The following ZNF804A variants were observed in gnomAD, a reference collection of about 807,000 sequenced individuals.
ZNF804A encodes zinc finger protein 804A.
A neutral mutation model predicts 16.5 loss-of-function variants in ZNF804A; 2 were observed. The observed-to-expected ratio is 0.12, with a 90% CI of 0.05 to 0.38. ZNF804A has a LOEUF of 0.38. Among genes scored for constraint, ZNF804A ranks in the 10% least tolerant of loss-of-function variants. The probability of loss-of-function intolerance (pLI) is 0.99; values close to 1 mark genes in which losing one functional copy is unlikely to be tolerated. For synonymous variants in ZNF804A, 534 were observed against 489.6 expected (o/e 1.09, Z -1.20); for missense variants, 1,473 against 1,390.7 (o/e 1.06, Z -0.94).
Position 184,808,783 on chromosome 2 carries a change from AAAC to A in ZNF804A, c.112-57582_112-57580del, listed in dbSNP as rs150763924. On this transcript the variant is annotated intron_variant, in intron 1 of 3. Coordinates refer to ENST00000302277, the MANE Select transcript of ZNF804A (RefSeq NM_194250.2). ...ATAAAATGCTTTACAAATCACAACAAAACAACGACTTTTAATGTTTAAAAATTA... is the reference window on the plus strand; with the variant it reads ...ATAAAATGCTTTACAAATCACAACAAAACGACTTTTAATGTTTAAAAATTA... 5.2e-3 allele frequency among the ~76,000 whole-genome samples: 788 copies of A among 151,814 alleles called. 7 individuals carry two copies. Among genetic ancestry groups the A allele is most frequent in the African/African-American group, 0.018 (738 of 41,518 alleles).
At chr2:184,900,688 G>T (rs1200938647) in intron 2 of ZNF804A, among the ~76,000 whole-genome samples, 1 of 152,168 alleles carries the variant, frequency 6.6e-6, no homozygotes, top group Non-Finnish European at 1.5e-5. Context: ...CAGTTAGCCA[G>T]AGAAGACTGG....
chr2:184,772,934 T>C (rs6706600), intron 1 of ZNF804A, among the ~76,000 whole-genome samples: 12 of 148,168 alleles, frequency 8.1e-5, no homozygotes, highest in South Asian at 6.4e-4. Context: ...CCCACACACA[T>C]ATATATACAT....
intron 1 of ZNF804A, among the ~76,000 whole-genome samples, chr2:184,764,410 C>T (rs1218008218): frequency 1.3e-5 from 2 of 152,112 alleles, no homozygotes; most frequent in African/African-American, 4.8e-5. Flanking sequence ...TCCTCATTTT[C>T]CTCTTATAAA....
chr2:184,892,808 A>T (rs1368522349), intron 2 of ZNF804A, among the ~76,000 whole-genome samples: 1 of 152,154 alleles, frequency 6.6e-6, no homozygotes, highest in African/African-American at 2.4e-5. Flanking sequence ...AAGCAAATAT[A>T]CACACAAACC....
At chr2:184,734,212 C>A (rs2105749169) in intron 1 of ZNF804A, among the ~76,000 whole-genome samples, 1 of 152,134 alleles carries the variant, frequency 6.6e-6, no homozygotes, top group Middle Eastern at 3.4e-3. Flanking sequence ...GGACTACAGG[C>A]ATATTCCAGC....
chr2:184,725,859 T>C (rs895771773), intron 1 of ZNF804A, among the ~76,000 whole-genome samples: 4 of 151,704 alleles, frequency 2.6e-5, no homozygotes, highest in African/African-American at 9.7e-5. Flanking sequence ...ATCTCTGTAA[T>C]TTGTTATTCC....
At chr2:184,641,301 T>C (rs1034537294) in intron 1 of ZNF804A, among the ~76,000 whole-genome samples, 3 of 152,056 alleles carry the variant, frequency 2.0e-5, no homozygotes, top group Non-Finnish European at 4.4e-5. Flanking sequence ...ACAACTGATA[T>C]ATGGAGCAGC....
intron 1 of ZNF804A, among the ~76,000 whole-genome samples, chr2:184,699,591 A>T (rs944473382): frequency 6.6e-6 from 1 of 152,140 alleles, no homozygotes; most frequent in African/African-American, 2.4e-5. Flanking sequence ...ACTGACTGGT[A>T]TGTCAGGGTA....
intron 1 of ZNF804A, among the ~76,000 whole-genome samples, chr2:184,768,237 T>C (rs2105767061): frequency 6.6e-6 from 1 of 152,202 alleles, no homozygotes; most frequent in Non-Finnish European, 1.5e-5. Context: ...GGGATGTGCA[T>C]AGAGTGTATG....
At chr2:184,708,183 G>A (rs543740400) in intron 1 of ZNF804A, among the ~76,000 whole-genome samples, 1 of 152,076 alleles carries the variant, frequency 6.6e-6, no homozygotes, top group Admixed American at 6.6e-5. Context: ...TTTGTCAGAT[G>A]CATAGTTTGC....
rs141443507 is a variant in ZNF804A at position 184,641,666 on chromosome 2, G to C, written c.111+42596G>C. Reference sequence around the variant, plus strand: ...AAAATAGCAAATTATGTATAAAAGAGCACATTCAATTGTTTCTTAAATATT... The same window carrying C: ...AAAATAGCAAATTATGTATAAAAGACCACATTCAATTGTTTCTTAAATATT... On this transcript the variant is annotated intron_variant, in intron 1 of 3. Coordinates refer to ENST00000302277, the MANE Select transcript of ZNF804A (RefSeq NM_194250.2). 1.9e-3 allele frequency among the ~76,000 whole-genome samples: 285 copies of C among 152,210 alleles called. 1 individual carries two copies. Among genetic ancestry groups the C allele is most frequent in the African/African-American group, 6.5e-3 (272 of 41,540 alleles).
At chr2:184,670,316 A>T (rs1021952920) in intron 1 of ZNF804A, among the ~76,000 whole-genome samples, 1 of 152,006 alleles carries the variant, frequency 6.6e-6, no homozygotes, top group East Asian at 1.9e-4. Context: ...TACCCCAGTT[A>T]TTATATTTCT....
intron 1 of ZNF804A, among the ~76,000 whole-genome samples, chr2:184,858,662 AAT>A (rs1315235919): frequency 6.6e-5 from 10 of 152,066 alleles, no homozygotes; most frequent in Admixed American, 6.6e-4. Flanking sequence ...AATTATTTTA[AAT>A]ATTTTTTTGA....
At chr2:184,614,796 C>T (rs1002780771) in intron 1 of ZNF804A, among the ~76,000 whole-genome samples, 1 of 152,142 alleles carries the variant, frequency 6.6e-6, no homozygotes, top group Non-Finnish European at 1.5e-5. Flanking sequence ...AGCTCATTAT[C>T]ACTGGTCATT....
intron 2 of ZNF804A, among the ~76,000 whole-genome samples, chr2:184,874,833 A>T (rs1352488499): frequency 6.6e-6 from 1 of 152,180 alleles, no homozygotes; most frequent in Non-Finnish European, 1.5e-5. Flanking sequence ...ACAGAAGCAC[A>T]GGATTTTATT....
At position 184,936,365 on chromosome 2, in the gene ZNF804A, T is replaced by C; in HGVS notation, c.969T>C (p.Asp323=). 6.2e-7 allele frequency: 1 copy of C among 1,614,042 alleles called. No individual in the cohort carries two copies. Among genetic ancestry groups the C allele is most frequent in the East Asian group, 2.2e-5 (1 of 44,842 alleles). The part of the protein sequence containing the change: ...KFQLQLSSDA[D]NCQNSVPLAD... ...AACTTCAGTTATCTTCTGATGCAGA[T>C]AATTGTCAAAATTCAGTCCCATTAG... The change falls in exon 4 of 4, where the codon GAT becomes GAC. Residue 323 remains aspartate (D), a synonymous_variant. Coordinates refer to ENST00000302277, the MANE Select transcript of ZNF804A (RefSeq NM_194250.2).
chr2:184,746,570 G>T lies in ZNF804A; in HGVS notation c.112-119799G>T, dbSNP rs969090943. On this transcript the variant is annotated intron_variant, in intron 1 of 3. Coordinates refer to ENST00000302277, the MANE Select transcript of ZNF804A (RefSeq NM_194250.2). ...CAAACATTACAATTATACTCTTTTG[G>T]TTATTTTAAACTGTGCATTACATTA... Among the ~76,000 whole-genome samples, 17 of 150,842 alleles carry T rather than the reference G, an allele frequency of 1.1e-4. 1 individual carries two copies. In the Admixed American group the frequency reaches 1.1e-3, roughly 10 times the overall value.
intron 1 of ZNF804A, among the ~76,000 whole-genome samples, chr2:184,831,198 G>A (rs984677281): frequency 6.6e-6 from 1 of 152,000 alleles, no homozygotes; most frequent in Non-Finnish European, 1.5e-5. Context: ...TTATTAATAA[G>A]TAAATTCATA....
chr2:184,779,308 T>C (rs1694338776), intron 1 of ZNF804A, among the ~76,000 whole-genome samples: 1 of 151,726 alleles, frequency 6.6e-6, no homozygotes, highest in Admixed American at 6.6e-5. Flanking sequence ...TGTTGTTATG[T>C]TTTGTTTTCT....
Sources: gnomAD v4.1 joint callset for allele counts (sites outside exome capture counted in the v4.1 genomes callset) on GRCh38, gnomAD v4.1.1 for gene constraint, MANE v1.5 for transcripts, NCBI Gene and HGNC (gene_info 2026-07-23, HGNC 2026-07-21) for gene names.